Variants in ATP11A observed in about 807,000 individuals in gnomAD.
ATP11A encodes the protein phospholipid-transporting ATPase IH.
ATP11A carries 81 observed loss-of-function variants against 154.4 expected under a neutral mutation model. The observed-to-expected ratio is 0.52, with a 90% confidence interval of 0.44 to 0.63. ATP11A has a LOEUF of 0.63. ATP11A is among the 30% of genes least tolerant of loss of function. The pLI, the probability that ATP11A is intolerant of heterozygous loss-of-function variation, is 0.00. For missense variants in ATP11A, 1,316 were observed against 1,474.3 expected (o/e 0.89, Z 1.76); for synonymous variants, 623 against 585.9 (o/e 1.06, Z -0.91).
intron 1 of ATP11A, among the ~76,000 whole-genome samples, chr13:112,694,879 C>T (rs746537863): frequency 8.6e-5 from 13 of 151,944 alleles, no homozygotes; most frequent in Middle Eastern, 3.2e-3. Context: ...TTTTGCTTCC[C>T]GAGAACTTGA....
chr13:112,734,283 G>A (rs1890782368), intron 1 of ATP11A, among the ~76,000 whole-genome samples: 1 of 152,134 alleles, frequency 6.6e-6, no homozygotes, highest in African/African-American at 2.4e-5. Context: ...AGGGGGCGGG[G>A]GTGAGGGGCA....
chr13:112,865,706 C>G (rs1453562350), intron 25 of ATP11A, among the ~76,000 whole-genome samples: 2 of 152,180 alleles, frequency 1.3e-5, no homozygotes, highest in Non-Finnish European at 2.9e-5. Context: ...CCCGCCACCA[C>G]GCCTGGCTGA....
chr13:112,751,992 G>A (rs1330396851), intron 1 of ATP11A, among the ~76,000 whole-genome samples: 1 of 152,192 alleles, frequency 6.6e-6, no homozygotes, highest in Admixed American at 6.5e-5. Context: ...TGGCTAAGTC[G>A]TTCATCTTTT....
intron 1 of ATP11A, among the ~76,000 whole-genome samples, chr13:112,757,343 G>T (rs2076864851): frequency 1.3e-5 from 2 of 152,210 alleles, no homozygotes; most frequent in Non-Finnish European, 1.5e-5. Context: ...CCCATTTCAC[G>T]CAGCTTTTTC....
intron 25 of ATP11A, among the ~76,000 whole-genome samples, chr13:112,867,321 C>T (rs2080367860): frequency 1.3e-5 from 2 of 152,184 alleles, no homozygotes; most frequent in Non-Finnish European, 2.9e-5. Context: ...ACCCGGACGT[C>T]CGGCTCCAGA....
At chr13:112,717,729 T>C (rs1223186351) in intron 1 of ATP11A, 1 of 152,246 alleles carries the variant, frequency 6.6e-6, no homozygotes, top group Non-Finnish European at 1.5e-5. Context: ...AAACAGTACA[T>C]GTTGTGTGAT....
At chr13:112,710,236 G>C (rs1315235931) in intron 1 of ATP11A, among the ~76,000 whole-genome samples, 1 of 152,164 alleles carries the variant, frequency 6.6e-6, no homozygotes, top group Non-Finnish European at 1.5e-5. Flanking sequence ...GCTGCCTTGG[G>C]GGCCCTTTGG....
At chr13:112,720,180 T>A (rs1354021907) in intron 1 of ATP11A, among the ~76,000 whole-genome samples, 2 of 152,222 alleles carry the variant, frequency 1.3e-5, no homozygotes, top group African/African-American at 4.8e-5. Flanking sequence ...GGCAGTCAGA[T>A]CACAGTTTGG....
At chr13:112,704,275 G>T (rs528837437) in intron 1 of ATP11A, among the ~76,000 whole-genome samples, 1 of 152,290 alleles carries the variant, frequency 6.6e-6, no homozygotes, top group East Asian at 1.9e-4. Context: ...GTTGTTGTAC[G>T]CACAACTCAG....
In ATP11A at chr13:112,696,399, A is replaced by G. The variant is rs532666636; in HGVS notation, c.39+5944A>G. 4.9e-3 allele frequency among the ~76,000 whole-genome samples: 738 copies of G among 151,878 alleles called. 6 individuals carry two copies. The highest frequency in any genetic ancestry group is 0.017 in the African/African-American group (703 of 41,420). On this transcript the variant is annotated intron_variant, in intron 1 of 29. Transcript: ENST00000375645. This position sits in a 1 kb window ranked among gnomAD's most constrained non-coding sequence, Gnocchi z 6.2. ...GGTCACTGGTGGGAACGCCCCTGCC[A>G]CGCCCAGCAGCCTTTCTGCCTCTGC...
chr13:112,737,710 T>C (rs1399030549), intron 1 of ATP11A, among the ~76,000 whole-genome samples: 4 of 152,218 alleles, frequency 2.6e-5, no homozygotes, highest in African/African-American at 9.7e-5. Context: ...ACAAGCAGGC[T>C]GTAAGGTTAC....
chr13:112,828,212 C>T (rs535442136), intron 12 of ATP11A, among the ~76,000 whole-genome samples: 2 of 146,228 alleles, frequency 1.4e-5, no homozygotes, highest in East Asian at 4.2e-4. Flanking sequence ...GGAAAGCGCC[C>T]AGCAGTGTTG....
At chr13:112,874,637 C>A (rs1036889959) in intron 27 of ATP11A, among the ~76,000 whole-genome samples, 20 of 152,156 alleles carry the variant, frequency 1.3e-4, no homozygotes, top group Non-Finnish European at 2.8e-4. Context: ...CTGACCTGGG[C>A]GGGACTCTCA....
intron 1 of ATP11A, among the ~76,000 whole-genome samples, chr13:112,702,243 G>A (rs1307071766): frequency 6.6e-6 from 1 of 151,390 alleles, no homozygotes; most frequent in African/African-American, 2.4e-5. Flanking sequence ...CTACTCGGGA[G>A]GCTGAGGCAG....
At position 112,753,411 on chromosome 13, in the gene ATP11A, C is replaced by T. The variant is rs2076743048; in HGVS notation, c.40-31724C>T. On this transcript the variant is annotated intron_variant, in intron 1 of 29. Coordinates refer to ENST00000375645, the MANE Select transcript of ATP11A (RefSeq NM_015205.3). This position sits in a 1 kb window ranked among gnomAD's most constrained non-coding sequence, Gnocchi z 4.1. ...ACGTTTGCGGTTTGCTCTGTCAGTG[C>T]CGTAGGAGGATGCCTGTTCTCCACC... Among the ~76,000 whole-genome samples, 2 of 152,210 alleles carry T rather than the reference C, an allele frequency of 1.3e-5. No individual in the cohort carries two copies. Among genetic ancestry groups the T allele is most frequent in the Admixed American group, 6.5e-5 (1 of 15,286 alleles).
chr13:112,749,796 G>A (rs889982568), intron 1 of ATP11A, among the ~76,000 whole-genome samples: 19 of 148,078 alleles, frequency 1.3e-4, no homozygotes, highest in African/African-American at 3.0e-4. Flanking sequence ...TGAAGGATGC[G>A]GGGTTGAATC....
At chr13:112,868,339 A>G (rs1468781932) in intron 25 of ATP11A, among the ~76,000 whole-genome samples, 2 of 152,228 alleles carry the variant, frequency 1.3e-5, no homozygotes, top group African/African-American at 4.8e-5. Context: ...GGATGTTTTT[A>G]TACATCAGAG....
chr13:112,759,542 C>A (rs2076918815), intron 1 of ATP11A, among the ~76,000 whole-genome samples: 1 of 152,178 alleles, frequency 6.6e-6, no homozygotes, highest in Middle Eastern at 3.2e-3. Context: ...ATTAACAGTT[C>A]ATTGAACTTA....
chr13:112,771,619 C>A (rs140264911), intron 1 of ATP11A, among the ~76,000 whole-genome samples: 1 of 152,302 alleles, frequency 6.6e-6, no homozygotes, highest in East Asian at 1.9e-4. Flanking sequence ...TTAGAGATAA[C>A]CAGGTCCACA....
Sources: allele counts gnomAD v4.1 joint callset (sites outside exome capture counted in the v4.1 genomes callset), GRCh38; gene constraint gnomAD v4.1.1; non-coding constraint Gnocchi (gnomAD v3.1); transcripts MANE v1.5; gene names NCBI Gene and HGNC (gene_info 2026-07-23, HGNC 2026-07-21).